Variants in TSPYL6 observed in about 807,000 individuals in gnomAD.
TSPYL6 encodes the protein TSPY like 6.
For missense variants in TSPYL6, 699 were observed against 531.5 expected (o/e 1.32, Z -3.10); for synonymous variants, 259 against 214.8 (o/e 1.21, Z -1.80).
At position 54,255,509 on chromosome 2, in the gene TSPYL6, C is replaced by A; in HGVS notation, c.643G>T (p.Val215Leu). ...AGCGCCCTGTCAGCCTCTGCATTCA[C>A]GGAGTCCAGTTCCAGCTGGATGGAC... is the stretch of plus-strand genomic sequence containing the variant. ...LESIQLELDS[V>L]NAEADRALLQ... is the part of the protein sequence containing the mutation. The change falls in exon 1 of 1, where the codon GTG becomes TTG. Residue 215 changes from valine (V) to leucine (L), a missense_variant. By Grantham distance (32) the Val-to-Leu change is conservative (BLOSUM62 1). Transcript: ENST00000317802. 1 of 1,613,932 alleles carries A rather than the reference C, an allele frequency of 6.2e-7. No homozygotes were observed. Among genetic ancestry groups the A allele is most frequent in the South Asian group, 1.1e-5 (1 of 91,046 alleles).
In TSPYL6 at chr2:54,255,338, C is replaced by G. The variant is rs755366945; in HGVS notation, c.814G>C (p.Glu272Gln). The G allele has an allele frequency of 1.2e-6, 2 of 1,614,054 alleles. No individual in the cohort carries two copies. The highest frequency in any genetic ancestry group is 1.7e-6 in the Non-Finnish European group (2 of 1,180,044). ...LSAMIRGQDAEMLSYLTNLEV... is the reference protein window; with the variant it reads ...LSAMIRGQDAQMLSYLTNLEV... ...AAATTGGTTAAGTAGCTTAACATCT[C>G]GGCATCTTGGCCTCTAATCATGGCA... The change falls in exon 1 of 1, where the codon GAG becomes CAG. Residue 272 changes from glutamate (E) to glutamine (Q), a missense_variant. Coordinates refer to ENST00000317802, the MANE Select transcript of TSPYL6 (RefSeq NM_001003937.3).
chr2:54,256,146 G>T lies in TSPYL6; in HGVS notation c.6C>A (p.Ser2Arg). The change falls in exon 1 of 1, where the codon AGC (serine) becomes AGA (arginine). Residue 2 changes from serine (S) to arginine (R), a missense_variant. Coordinates refer to ENST00000317802, the MANE Select transcript of TSPYL6 (RefSeq NM_001003937.3). M[S>R]LPESPHSPAT... Reference sequence around the variant, plus strand: ...CGGGGCTGTGAGGACTCTCCGGGAGGCTCATGTTGGTAGCGGCCAGGGCAG... The same window carrying T: ...CGGGGCTGTGAGGACTCTCCGGGAGTCTCATGTTGGTAGCGGCCAGGGCAG... The T allele has an allele frequency of 2.5e-6, 4 of 1,611,000 alleles. No individual in the cohort carries two copies. Among genetic ancestry groups the T allele is most frequent in the African/African-American group, 1.3e-5 (1 of 74,966 alleles).
At position 54,254,880 on chromosome 2, in the gene TSPYL6, G is replaced by T. The variant is rs745707871; in HGVS notation, c.*39C>A. 2 of 1,576,438 alleles carry T rather than the reference G, an allele frequency of 1.3e-6. No individual in the cohort carries two copies. Among genetic ancestry groups the T allele is most frequent in the Non-Finnish European group, 1.7e-6 (2 of 1,165,802 alleles). On this transcript the variant is annotated 3_prime_UTR_variant, in exon 1 of 1. Transcript: ENST00000317802. ...CCAAGCTCAGGTCCAGCTGGTGGTG[G>T]CAGGCAACCTTCTGCAGGAGTAATT... is the stretch of plus-strand genomic sequence containing the variant.
In TSPYL6 at chr2:54,254,388, G is replaced by GT. The variant is rs1360040130; in HGVS notation, c.*530dup. On this transcript the variant is annotated 3_prime_UTR_variant, in exon 1 of 1. Transcript: ENST00000317802. ...AAGTAGCAGTACTTGGGAATAGCCAGTAGCAGGCAGCAATAGGTGACCAGT... is the reference window on the plus strand; with the variant it reads ...AAGTAGCAGTACTTGGGAATAGCCAGTTAGCAGGCAGCAATAGGTGACCAGT... 1 of 153,704 alleles carries GT rather than the reference G, an allele frequency of 6.5e-6. No homozygotes were observed. The highest frequency in any genetic ancestry group is 3.4e-3 in the Middle Eastern group (1 of 296). 9.5% of individuals were successfully genotyped at this position (153,704 alleles called of 1,614,324 possible). A position where few individuals can be genotyped will look rare whatever the true frequency, so the allele number is the denominator to read the frequency against.
In TSPYL6 at chr2:54,256,129, T is replaced by C; in HGVS notation, c.23A>G (p.His8Arg). Residue 8 changes from histidine to arginine, a missense_variant, in exon 1 of 1, where the codon CAC becomes CGC. By Grantham distance (29) the His-to-Arg change is conservative (BLOSUM62 0). Transcript: ENST00000317802. ...AGCATAGTCGAGAGTAGCGGGGCTGTGAGGACTCTCCGGGAGGCTCATGTT... is the reference window on the plus strand; with the variant it reads ...AGCATAGTCGAGAGTAGCGGGGCTGCGAGGACTCTCCGGGAGGCTCATGTT... MSLPESP[H>R]SPATLDYALE... The C allele has an allele frequency of 6.2e-7, 1 of 1,613,672 alleles. No homozygotes were observed. The highest frequency in any genetic ancestry group is 1.1e-5 in the South Asian group (1 of 91,046).
In TSPYL6 at chr2:54,255,382, C is replaced by T. The variant is rs1197916166; in HGVS notation, c.770G>A (p.Arg257His). The change falls in exon 1 of 1, where the codon CGC becomes CAC. Residue 257 changes from arginine to histidine, a missense_variant. Physicochemically the swap from Arg to His is conservative, Grantham distance 29. Coordinates refer to ENST00000317802, the MANE Select transcript of TSPYL6 (RefSeq NM_001003937.3). The stretch of plus-strand genomic sequence containing the variant: ...CATGGCAGACAGCTGTGGGTGGTGG[C>T]GGAAAGCAGTGACCCAGAAGCCCGG... ...NIPGFWVTAF[R>H]HHPQLSAMIR... 1 of 1,613,962 alleles carries T rather than the reference C, an allele frequency of 6.2e-7. No individual in the cohort carries two copies. Among genetic ancestry groups the T allele is most frequent in the Non-Finnish European group, 8.5e-7 (1 of 1,179,984 alleles).
Position 54,254,916 on chromosome 2 carries a change from A to C in TSPYL6, c.*3T>G. On this transcript the variant is annotated 3_prime_UTR_variant, in exon 1 of 1. Coordinates refer to ENST00000317802, the MANE Select transcript of TSPYL6 (RefSeq NM_001003937.3). ...TCTGCAGGAGTAATTCCAAAGGCAA[A>C]GGTTAACCACACTGGAACCCAAAGG... 3.7e-6 allele frequency: 6 copies of C among 1,604,136 alleles called. No individual in the cohort carries two copies. The highest frequency in any genetic ancestry group is 5.1e-6 in the Non-Finnish European group (6 of 1,176,742).
rs1403710052 is a variant in TSPYL6 at position 54,253,908 on chromosome 2, G to A, written c.*1011C>T. The stretch of plus-strand genomic sequence containing the variant: ...ACAAAGAGAGCCAAGAAACTAAAAA[G>A]CCTGCTTCTGCGGATGTTTCTGAAC... On this transcript the variant is annotated 3_prime_UTR_variant, in exon 1 of 1. Transcript: ENST00000317802. The A allele has an allele frequency of 6.6e-6, 1 of 151,906 alleles. No individual in the cohort carries two copies. Among genetic ancestry groups the A allele is most frequent in the African/African-American group, 2.4e-5 (1 of 41,276 alleles). The allele number at this position is 151,906 out of a possible 1,614,324, so 9.4% of individuals were successfully genotyped here. A position where few individuals can be genotyped will look rare whatever the true frequency, so the allele number is the denominator to read the frequency against.
Position 54,255,345 on chromosome 2 carries a change from T to C in TSPYL6, c.807A>G (p.Gln269=). ...HPQLSAMIRG[Q]DAEMLSYLTN... ...TTAAGTAGCTTAACATCTCGGCATC[T>C]TGGCCTCTAATCATGGCAGACAGCT... The change falls in exon 1 of 1, where the codon CAA becomes CAG. Residue 269 remains glutamine (Q), a synonymous_variant. Transcript: ENST00000317802. The C allele has an allele frequency of 6.2e-7, 1 of 1,614,184 alleles. No individual in the cohort carries two copies. Among genetic ancestry groups the C allele is most frequent in the Non-Finnish European group, 8.5e-7 (1 of 1,180,028 alleles).
In TSPYL6 at chr2:54,254,412, G is replaced by A. The variant is rs1021211375; in HGVS notation, c.*507C>T. The A allele has an allele frequency of 1.9e-5, 3 of 154,170 alleles. No individual in the cohort carries two copies. Among genetic ancestry groups the A allele is most frequent in the Admixed American group, 1.9e-4 (3 of 15,500 alleles). 9.6% of individuals were successfully genotyped at this position (154,170 alleles called of 1,614,324 possible). On this transcript the variant is annotated 3_prime_UTR_variant, in exon 1 of 1. Transcript: ENST00000317802. Reference sequence around the variant, plus strand: ...AGTAGCAGGCAGCAATAGGTGACCAGTCTCAGGAAAAGTAATGGGGTCCCA... The same window carrying A: ...AGTAGCAGGCAGCAATAGGTGACCAATCTCAGGAAAAGTAATGGGGTCCCA...
chr2:54,255,092 A>G lies in TSPYL6; in HGVS notation c.1060T>C (p.Phe354Leu), dbSNP rs1477953477. The G allele has an allele frequency of 6.2e-7, 1 of 1,614,100 alleles. No homozygotes were observed. Among genetic ancestry groups the G allele is most frequent in the East Asian group, 2.2e-5 (1 of 44,858 alleles). Reference sequence around the variant, plus strand: ...GACTCTGGAAGGCTGTGGTCTGAAAACCAGGTGAAGAAGCTGCAGATGACA... The same window carrying G: ...GACTCTGGAAGGCTGTGGTCTGAAAGCCAGGTGAAGAAGCTGCAGATGACA... The part of the protein sequence containing the change: ...RHVICSFFTW[F>L]SDHSLPESDR... Residue 354 changes from phenylalanine (F) to leucine (L), a missense_variant, in exon 1 of 1, where the codon TTT becomes CTT. Coordinates refer to ENST00000317802, the MANE Select transcript of TSPYL6 (RefSeq NM_001003937.3).
rs1687349740 is a variant in TSPYL6 at position 54,253,802 on chromosome 2, G to A, written c.*1117C>T. ...AACCCTCTAGGAATTGCTAAAGAGG[G>A]GTGAGGGGCTGAGAAGAAAGGAGAA... On this transcript the variant is annotated 3_prime_UTR_variant, in exon 1 of 1. Transcript: ENST00000317802. The A allele has an allele frequency of 6.6e-6, 1 of 152,252 alleles. No individual in the cohort carries two copies. Among genetic ancestry groups the A allele is most frequent in the African/African-American group, 2.4e-5 (1 of 41,440 alleles). 9.4% of individuals were successfully genotyped at this position (152,252 alleles called of 1,614,324 possible). A position where few individuals can be genotyped will look rare whatever the true frequency, so the allele number is the denominator to read the frequency against.
chr2:54,256,063 C>G lies in TSPYL6; in HGVS notation c.89G>C (p.Ser30Thr). 3 of 1,614,178 alleles carry G rather than the reference C, an allele frequency of 1.9e-6. No homozygotes were observed. The highest frequency in any genetic ancestry group is 2.5e-6 in the Non-Finnish European group (3 of 1,180,044). Residue 30 changes from serine (S) to threonine (T), a missense_variant, in exon 1 of 1, where the codon AGC becomes ACC. Ser to Thr is a moderately conservative substitution (Grantham distance 58). Coordinates refer to ENST00000317802, the MANE Select transcript of TSPYL6 (RefSeq NM_001003937.3). ...ATCTGCCATTACCTCTGTCGCCTTG[C>G]TCTTTTCTCGGGACCTCTGGCCCTG... ...PHQGQRSREKSKATEVMADMF... is the reference protein window; with the variant it reads ...PHQGQRSREKTKATEVMADMF...
chr2:54,255,905 C>G lies in TSPYL6; in HGVS notation c.247G>C (p.Ala83Pro). ...ILVDAGRSHGAIKAGQEVTPP... is the reference protein window; with the variant it reads ...ILVDAGRSHGPIKAGQEVTPP... Reference sequence around the variant, plus strand: ...GTCACTTCCTGCCCCGCTTTGATGGCTCCATGACTGCGACCCGCATCGACC... The same window carrying G: ...GTCACTTCCTGCCCCGCTTTGATGGGTCCATGACTGCGACCCGCATCGACC... Residue 83 changes from alanine (A) to proline (P), a missense_variant, in exon 1 of 1, where the codon GCC (alanine) becomes CCC (proline). Ala to Pro is a conservative substitution (Grantham distance 27). Coordinates refer to ENST00000317802, the MANE Select transcript of TSPYL6 (RefSeq NM_001003937.3). 6.2e-7 allele frequency: 1 copy of G among 1,614,084 alleles called. No homozygotes were observed. Among genetic ancestry groups the G allele is most frequent in the Non-Finnish European group, 8.5e-7 (1 of 1,180,008 alleles).
rs1687365598 is a variant in TSPYL6, at chr2:54,254,122, AC to A, written c.*796del. 6.6e-6 allele frequency: 1 copy of A among 152,112 alleles called. No homozygotes were observed. The highest frequency in any genetic ancestry group is 2.1e-4 in the South Asian group (1 of 4,824). The allele number at this position is 152,112 out of a possible 1,614,324, so 9.4% of individuals were successfully genotyped here. A position where few individuals can be genotyped will look rare whatever the true frequency, so the allele number is the denominator to read the frequency against. ...ACTTGTCAAGAACACCAACATATTAACCTTGCCATGAGGATAGGGTCTGACA... is the reference window on the plus strand; with the variant it reads ...ACTTGTCAAGAACACCAACATATTAACTTGCCATGAGGATAGGGTCTGACA... On this transcript the variant is annotated 3_prime_UTR_variant, in exon 1 of 1. Coordinates refer to ENST00000317802, the MANE Select transcript of TSPYL6 (RefSeq NM_001003937.3).
In TSPYL6 at chr2:54,256,083, G is replaced by T. The variant is rs377117911; in HGVS notation, c.69C>A (p.Gly23=). The T allele has an allele frequency of 6.8e-6, 11 of 1,614,018 alleles. No homozygotes were observed. Among genetic ancestry groups the T allele is most frequent in the Non-Finnish European group, 9.3e-6 (11 of 1,180,028 alleles). ...LDYALEDPHQ[G]QRSREKSKAT... The stretch of plus-strand genomic sequence containing the variant: ...CCTTGCTCTTTTCTCGGGACCTCTG[G>T]CCCTGGTGCGGGTCTTCCAGAGCAT... The change falls in exon 1 of 1, where the codon GGC becomes GGA. Residue 23 remains glycine, a synonymous_variant. Coordinates refer to ENST00000317802, the MANE Select transcript of TSPYL6 (RefSeq NM_001003937.3).
chr2:54,255,740 C>T lies in TSPYL6; in HGVS notation c.412G>A (p.Glu138Lys). The T allele has an allele frequency of 6.2e-7, 1 of 1,614,012 alleles. No homozygotes were observed. The highest frequency in any genetic ancestry group is 8.5e-7 in the Non-Finnish European group (1 of 1,180,034). Residue 138 changes from glutamate to lysine, a missense_variant, in exon 1 of 1, where the codon GAG (glutamate) becomes AAG (lysine). Glu to Lys is a moderately conservative substitution (Grantham distance 56). Coordinates refer to ENST00000317802, the MANE Select transcript of TSPYL6 (RefSeq NM_001003937.3). Reference protein sequence around the residue: ...ALETCGAGRSESEVIAEGKAE... With the variant: ...ALETCGAGRSKSEVIAEGKAE... ...TTCCCCTCTGCAATCACTTCAGACT[C>T]CGACCTCCCTGCCCCACAGGTTTCT...
Position 54,254,972 on chromosome 2 carries a change from G to A in TSPYL6, c.1180C>T (p.Leu394=). ...GEDAHRARRR[L]VREPVEIPRP... ...GGGATCTCCACTGGCTCCCTTACCAGGCGACGTCTAGCTCTATGGGCGTCT... is the reference window on the plus strand; with the variant it reads ...GGGATCTCCACTGGCTCCCTTACCAAGCGACGTCTAGCTCTATGGGCGTCT... The change falls in exon 1 of 1, where the codon CTG becomes TTG. Residue 394 remains leucine (L), a synonymous_variant. Transcript: ENST00000317802. 1.2e-6 allele frequency: 2 copies of A among 1,613,958 alleles called. No individual in the cohort carries two copies. The highest frequency in any genetic ancestry group is 1.7e-6 in the Non-Finnish European group (2 of 1,179,974).
In TSPYL6 at chr2:54,254,912, G is replaced by A. The variant is rs748635645; in HGVS notation, c.*7C>T. The A allele has an allele frequency of 3.1e-6, 5 of 1,603,824 alleles. No individual in the cohort carries two copies. The highest frequency in any genetic ancestry group is 1.9e-4 in the Middle Eastern group (1 of 5,130). On this transcript the variant is annotated 3_prime_UTR_variant, in exon 1 of 1. Transcript: ENST00000317802. Reference sequence around the variant, plus strand: ...ACCTTCTGCAGGAGTAATTCCAAAGGCAAAGGTTAACCACACTGGAACCCA... The same window carrying A: ...ACCTTCTGCAGGAGTAATTCCAAAGACAAAGGTTAACCACACTGGAACCCA...
Sources: gnomAD v4.1 joint callset for allele counts on GRCh38, gnomAD v4.1.1 for gene constraint, MANE v1.5 for transcripts, NCBI Gene and HGNC (gene_info 2026-07-23, HGNC 2026-07-21) for gene names.